The following MAGI2 variants were observed in gnomAD, a reference collection of about 807,000 sequenced individuals.
MAGI2 encodes membrane associated guanylate kinase, WW and PDZ domain containing 2.
MAGI2 carries 35 observed loss-of-function variants against 133.3 expected under a neutral mutation model. That is an observed-to-expected ratio of 0.26 (90% confidence interval 0.20 to 0.35). The LOEUF (loss-of-function observed/expected upper bound fraction) is 0.35, where lower values mean the gene tolerates loss of function less well. Ranked by LOEUF, MAGI2 falls within the 10% of genes least tolerant of loss-of-function variation. The pLI is 1.00. For synonymous variants in MAGI2, 729 were observed against 710.6 expected, an observed-to-expected ratio of 1.03 and a Z score of -0.41; for missense variants, 1,636 against 1,863.4, an observed-to-expected ratio of 0.88 and a Z score of 2.25.
chr7:78,720,394 C>T (rs1343835400), intron 2 of MAGI2, among the ~76,000 whole-genome samples: 1 of 151,986 alleles, frequency 6.6e-6, no homozygotes, highest in Non-Finnish European at 1.5e-5. Context: ...GATGAAGAAA[C>T]TGAGGTACAG....
intron 9 of MAGI2, among the ~76,000 whole-genome samples, chr7:78,342,348 T>C (rs1171067109): frequency 6.6e-6 from 1 of 152,210 alleles, no homozygotes; most frequent in Admixed American, 6.5e-5. Context: ...CAAACGCTTT[T>C]ACACTGTTGG....
At chr7:79,137,450 G>T (rs117423713) in intron 1 of MAGI2, among the ~76,000 whole-genome samples, 149 of 133,208 alleles carry the variant, frequency 1.1e-3, no homozygotes, top group East Asian at 2.0e-3. Context: ...GGTGTTTTTT[G>T]TTTTTTTTTT....
chr7:78,292,922 C>G (rs1796866669), intron 9 of MAGI2, among the ~76,000 whole-genome samples: 1 of 152,174 alleles, frequency 6.6e-6, no homozygotes, highest in South Asian at 2.1e-4. Flanking sequence ...ACATCTTATA[C>G]AAAAATTAAT....
At chr7:78,538,711 G>T (rs116913511) in intron 3 of MAGI2, among the ~76,000 whole-genome samples, 1 of 152,144 alleles carries the variant, frequency 6.6e-6, no homozygotes, top group African/African-American at 2.4e-5. Context: ...AAACTTCACT[G>T]AATTCATTTA....
chr7:79,389,817 G>C (rs974645150), intron 1 of MAGI2, among the ~76,000 whole-genome samples: 1 of 151,994 alleles, frequency 6.6e-6, no homozygotes, highest in Non-Finnish European at 1.5e-5. Flanking sequence ...GGCTGGCTGG[G>C]ACCAGTTTGG....
intron 1 of MAGI2, among the ~76,000 whole-genome samples, chr7:79,451,807 C>A (rs1488658319): frequency 6.6e-6 from 1 of 152,120 alleles, no homozygotes; most frequent in Non-Finnish European, 1.5e-5. Context: ...CAACAACAAA[C>A]CCTTATGCTA....
At chr7:78,770,368 T>C (rs998490646) in intron 2 of MAGI2, among the ~76,000 whole-genome samples, 1 of 152,232 alleles carries the variant, frequency 6.6e-6, no homozygotes, top group Admixed American at 6.5e-5. Context: ...GTGTCTTTGT[T>C]GATGGGGTGC....
intron 1 of MAGI2, among the ~76,000 whole-genome samples, chr7:79,198,290 C>T (rs1360798295): frequency 2.6e-5 from 4 of 151,620 alleles, no homozygotes; most frequent in Non-Finnish European, 4.4e-5. Flanking sequence ...ACAAAAACCA[C>T]AGCAAGGGCC....
At chr7:78,565,541 A>G (rs747032957) in intron 3 of MAGI2, among the ~76,000 whole-genome samples, 2 of 152,092 alleles carry the variant, frequency 1.3e-5, no homozygotes, top group Non-Finnish European at 1.5e-5. Context: ...TATACTGAGC[A>G]CTTAATAACT....
rs544655465 is a variant in MAGI2 at position 78,536,103 on chromosome 7, C to CTTTTTTTTTT, written c.539-14468_539-14459dup. ...TACAGCTGGCTCTGTATGAATTAAACTTTTTTTTTTTTTTTTTTTTTTTTT... is the reference window on the plus strand; with the variant it reads ...TACAGCTGGCTCTGTATGAATTAAACTTTTTTTTTTTTTTTTTTTTTTTTTTTTTTTTTTT... On this transcript the variant is annotated intron_variant, in intron 3 of 21. Coordinates refer to ENST00000354212, the MANE Select transcript of MAGI2 (RefSeq NM_012301.4). Among the ~76,000 whole-genome samples, 67 of 59,940 alleles carry CTTTTTTTTTT rather than the reference C, an allele frequency of 1.1e-3. 10 individuals are homozygous for CTTTTTTTTTT. The highest frequency in any genetic ancestry group is 4.2e-3 in the African/African-American group (56 of 13,226). 39.3% of individuals were successfully genotyped at this position (59,940 alleles called of 152,430 possible).
intron 10 of MAGI2, among the ~76,000 whole-genome samples, chr7:78,209,078 C>T (rs1017618877): frequency 7.3e-5 from 10 of 137,922 alleles, no homozygotes; most frequent in East Asian, 2.2e-4. Flanking sequence ...AAAAATTAGC[C>T]GGGCGTGGTG....
chr7:79,452,848 A>G, intron 1 of MAGI2, 172 bp downstream of exon 1: 2 of 648,602 alleles, frequency 3.1e-6, no homozygotes, highest in East Asian at 5.9e-5. Context: ...CCCTCCCTTT[A>G]GCCCCCAAGT....
chr7:78,792,568 T>C (rs1020379460), intron 2 of MAGI2, among the ~76,000 whole-genome samples: 2 of 152,272 alleles, frequency 1.3e-5, no homozygotes, highest in South Asian at 4.1e-4. Context: ...GAACTCCCTA[T>C]AATCAAGTAT....
intron 2 of MAGI2, among the ~76,000 whole-genome samples, chr7:78,826,074 C>G (rs1790599908): frequency 6.6e-6 from 1 of 151,932 alleles, no homozygotes; most frequent in South Asian, 2.1e-4. Flanking sequence ...ATTAATAGGC[C>G]AGGCACGGTG....
rs922819183 is a variant in MAGI2, at chr7:79,453,610, T to TCGGCGGCGG, written c.-299_-291dup. ...AGCAGAGGAAGCAGTGGTGGTGGCG[T>TCGGCGGCGG]CGGCGGCGGCGGCGGCGGCAGCCGG... is the stretch of plus-strand genomic sequence containing the variant. On this transcript the variant is annotated 5_prime_UTR_variant, in exon 1 of 22. Coordinates refer to ENST00000354212, the MANE Select transcript of MAGI2 (RefSeq NM_012301.4). The TCGGCGGCGG allele has an allele frequency of 1.6e-4, 164 of 1,013,062 alleles. No individual in the cohort carries two copies. The African/African-American group carries it at 2.3e-3, about 14-fold the overall frequency. The allele number at this position is 1,013,062 out of a possible 1,614,324, so 62.8% of individuals were successfully genotyped here. A position where few individuals can be genotyped will look rare whatever the true frequency, so the allele number is the denominator to read the frequency against.
chr7:78,580,858 T>C (rs116649817), intron 3 of MAGI2, among the ~76,000 whole-genome samples: 1,832 of 152,314 alleles, frequency 0.012, 36 homozygotes, highest in African/African-American at 0.042. Context: ...GTCTGTCCTG[T>C]CTGGGTCTAC....
intron 3 of MAGI2, among the ~76,000 whole-genome samples, chr7:78,537,031 TC>T (rs199868025): frequency 0.047 from 7,208 of 152,178 alleles, 238 homozygotes; most frequent in South Asian, 0.089. Context: ...ATAGCTTAGC[TC>T]CCACTCATAA....
intron 1 of MAGI2, among the ~76,000 whole-genome samples, chr7:79,416,733 T>A (rs1380874424): frequency 7.1e-6 from 1 of 139,978 alleles, no homozygotes; most frequent in African/African-American, 2.7e-5. Context: ...TTCTTTTTCT[T>A]TTTTTTTTTT....
chr7:78,858,858 T>C lies in MAGI2; in HGVS notation c.418+148232A>G, dbSNP rs557646575. ...GGGGTGTTAAAGTCTCCCATTATTA[T>C]TGTGTGGGAGTCTAAGTCTCTTTGT... On this transcript the variant is annotated intron_variant, in intron 2 of 21. Coordinates refer to ENST00000354212, the MANE Select transcript of MAGI2 (RefSeq NM_012301.4). Among the ~76,000 whole-genome samples the C allele has an allele frequency of 9.2e-5, 14 of 152,264 alleles. No individual in the cohort carries two copies. In the East Asian group the frequency reaches 1.9e-3, roughly 21 times the overall value.
Sources: allele counts gnomAD v4.1 joint callset (sites outside exome capture counted in the v4.1 genomes callset), GRCh38; gene constraint gnomAD v4.1.1; transcripts MANE v1.5; gene names NCBI Gene and HGNC (gene_info 2026-07-23, HGNC 2026-07-21).